Variants in RIC1 observed in about 807,000 individuals in gnomAD.
RIC1 encodes RIC1 partner of RAB6A GEF complex.
A neutral mutation model predicts 169.0 loss-of-function variants in RIC1; 88 were observed. The observed-to-expected ratio is 0.52, with a 90% CI of 0.44 to 0.62. The LOEUF (loss-of-function observed/expected upper bound fraction) is 0.62, where lower values mean the gene tolerates loss of function less well. Ranked by LOEUF, RIC1 falls within the 20% of genes least tolerant of loss-of-function variation. RIC1 has a pLI of 0.00. For missense variants in RIC1, 1,877 were observed against 1,725.5 expected, an observed-to-expected ratio of 1.09 and a Z score of -1.56; for synonymous variants, 790 against 601.5, an observed-to-expected ratio of 1.31 and a Z score of -4.59.
At chr9:5,773,735 C>T (rs538727671) in intron 25 of RIC1, among the ~76,000 whole-genome samples, 1 of 152,300 alleles carries the variant, frequency 6.6e-6, no homozygotes, top group East Asian at 1.9e-4. Context: ...GCCTTTGCCC[C>T]TAATGCTTAG....
chr9:5,671,214 C>T (rs1003618898), intron 2 of RIC1, among the ~76,000 whole-genome samples: 1 of 151,588 alleles, frequency 6.6e-6, no homozygotes, highest in Non-Finnish European at 1.5e-5. Context: ...CCTTTCTAAA[C>T]TATTACCAAA....
In RIC1 at chr9:5,775,218, A is replaced by C. The variant is rs1827515675; in HGVS notation, c.*972A>C. The C allele has an allele frequency of 1.3e-5, 2 of 152,226 alleles. No homozygotes were observed. The highest frequency in any genetic ancestry group is 6.5e-5 in the Admixed American group (1 of 15,280). The allele number at this position is 152,226 out of a possible 1,614,324, so 9.4% of individuals were successfully genotyped here. A position where few individuals can be genotyped will look rare whatever the true frequency, so the allele number is the denominator to read the frequency against. On this transcript the variant is annotated 3_prime_UTR_variant, in exon 26 of 26. Coordinates refer to ENST00000414202, the MANE Select transcript of RIC1 (RefSeq NM_020829.4). The stretch of plus-strand genomic sequence containing the variant: ...TCTTATTTATTGCTTTTGTAAATTG[A>C]ATAAAGATGGACTTCTATGTAAATA...
At chr9:5,693,787 A>T (rs1477493863) in intron 3 of RIC1, among the ~76,000 whole-genome samples, 1 of 152,096 alleles carries the variant, frequency 6.6e-6, no homozygotes, top group African/African-American at 2.4e-5. Context: ...TTAAACAAAT[A>T]TGTCATCATC....
At chr9:5,777,375 ACT>A (rs922794261), downstream of RIC1, among the ~76,000 whole-genome samples, 2 of 150,606 alleles carry the variant, frequency 1.3e-5, no homozygotes, top group Admixed American at 1.3e-4. Flanking sequence ...AAAATGGAAG[ACT>A]CTAAAATGTA....
At chr9:5,647,032 C>A (rs961243084) in intron 1 of RIC1, among the ~76,000 whole-genome samples, 2 of 152,070 alleles carry the variant, frequency 1.3e-5, no homozygotes, top group African/African-American at 4.8e-5. Context: ...ATGTGGATAT[C>A]CAGTTTTCCC....
intron 8 of RIC1, among the ~76,000 whole-genome samples, chr9:5,738,837 A>T (rs1824896447): frequency 6.6e-6 from 1 of 151,082 alleles, no homozygotes; most frequent in African/African-American, 2.4e-5. Flanking sequence ...TTAATTAGCC[A>T]ATGCCCAAGT....
chr9:5,713,949 C>CAGG lies in RIC1; in HGVS notation c.388_389insGAG (p.Pro129_Ala130insGly). ...CATTTTAAGGAAGAACAGTGTGCTC[C>CAGG]AGCATTAAATTTGGAGATGAGGAAA... On this transcript the variant is annotated inframe_insertion, in exon 4 of 26. Transcript: ENST00000414202. 6.2e-7 allele frequency: 1 copy of CAGG among 1,613,206 alleles called. No homozygotes were observed. Among genetic ancestry groups the CAGG allele is most frequent in the Non-Finnish European group, 8.5e-7 (1 of 1,179,446 alleles).
chr9:5,773,292 T>C, intron 25 of RIC1: 1 of 203,872 alleles, frequency 4.9e-6, no homozygotes, highest in Non-Finnish European at 9.6e-6. Flanking sequence ...GGTTACACTG[T>C]TGGTCAGTGT....
At chr9:5,754,013 AGTGAGTGTGCGT>A (rs1825863451) in intron 14 of RIC1, among the ~76,000 whole-genome samples, 1 of 152,098 alleles carries the variant, frequency 6.6e-6, no homozygotes, top group African/African-American at 2.4e-5. Flanking sequence ...TATATGGGAT[AGTGAGTGTGCGT>A]GTGTGTATGT....
chr9:5,677,358 A>G (rs902600771), intron 2 of RIC1, among the ~76,000 whole-genome samples: 3 of 151,986 alleles, frequency 2.0e-5, no homozygotes, highest in Non-Finnish European at 4.4e-5. Flanking sequence ...TCTTTTGCCC[A>G]TTTTTTTAGA....
At position 5,763,037 on chromosome 9, in the gene RIC1, T is replaced by C; in HGVS notation, c.2113-103T>C. On this transcript the variant is annotated intron_variant, in intron 18 of 25. Transcript: ENST00000414202. This position sits in a 1 kb window ranked among gnomAD's most constrained non-coding sequence, Gnocchi z 5.2. The stretch of plus-strand genomic sequence containing the variant: ...GATCCCTTTGCTTTTCCCAAAAAAA[T>C]ATTATACTATCATTTGAAAGACTTA... The C allele has an allele frequency of 7.3e-7, 1 of 1,378,398 alleles. No homozygotes were observed. Among genetic ancestry groups the C allele is most frequent in the Non-Finnish European group, 9.8e-7 (1 of 1,025,328 alleles). The allele number at this position is 1,378,398 out of a possible 1,614,324, so 85.4% of individuals were successfully genotyped here. A position where few individuals can be genotyped will look rare whatever the true frequency, so the allele number is the denominator to read the frequency against.
At chr9:5,713,197 A>G (rs1199337324) in intron 3 of RIC1, 3 of 152,218 alleles carry the variant, frequency 2.0e-5, no homozygotes, top group Non-Finnish European at 4.4e-5. Flanking sequence ...GATAACTGTT[A>G]AATTCCAGCA....
intron 2 of RIC1, among the ~76,000 whole-genome samples, chr9:5,673,535 GATATAT>G (rs59648906): frequency 1.8e-4 from 21 of 119,304 alleles, no homozygotes; most frequent in South Asian, 5.3e-4. Flanking sequence ...AACATAAGGA[GATATAT>G]ATATATATAT....
chr9:5,726,694 GT>G (rs1296992697), intron 6 of RIC1, among the ~76,000 whole-genome samples: 1 of 152,212 alleles, frequency 6.6e-6, no homozygotes, highest in African/African-American at 2.4e-5. Context: ...GCTGGTACCA[GT>G]TGTTCCTTTC....
chr9:5,687,923 TG>T (rs1264046215), intron 2 of RIC1, among the ~76,000 whole-genome samples: 4 of 152,016 alleles, frequency 2.6e-5, no homozygotes, highest in African/African-American at 7.2e-5. Context: ...GGTTTTTTTG[TG>T]TGTGTGTGTG....
At chr9:5,754,800 G>T (rs778521933) in intron 14 of RIC1, 41 bp from the exon 15 acceptor site, 1 of 1,140,704 alleles carries the variant, frequency 8.8e-7, no homozygotes, top group South Asian at 1.6e-5. Flanking sequence ...TATAATTTCT[G>T]GTAGCATAAG....
intron 2 of RIC1, among the ~76,000 whole-genome samples, chr9:5,688,179 A>G (rs1026987447): frequency 7.4e-6 from 1 of 135,296 alleles, no homozygotes; most frequent in African/African-American, 2.5e-5. Context: ...TGAGTTATGC[A>G]TTGTTTTGAT....
chr9:5,767,411 C>G (rs1228390648), intron 21 of RIC1, among the ~76,000 whole-genome samples: 3 of 151,670 alleles, frequency 2.0e-5, no homozygotes, highest in Non-Finnish European at 4.4e-5. Context: ...GTATTCCTTC[C>G]TATGTTCTTC....
In RIC1 at chr9:5,713,996, A is replaced by G. The variant is rs2130830490; in HGVS notation, c.433A>G (p.Ile145Val). The G allele has an allele frequency of 6.2e-7, 1 of 1,605,350 alleles. No homozygotes were observed. Among genetic ancestry groups the G allele is most frequent in the East Asian group, 2.2e-5 (1 of 44,726 alleles). Reference protein sequence around the residue: ...MRKILDLQAPIMSLQSVLEDL... With the variant: ...MRKILDLQAPVMSLQSVLEDL... ...GAAAATACTGGATTTACAAGCACCCATCATGAGGTACAGTACTTTGGTTAA... is the reference window on the plus strand; with the variant it reads ...GAAAATACTGGATTTACAAGCACCCGTCATGAGGTACAGTACTTTGGTTAA... The change falls in exon 4 of 26, where the codon ATC becomes GTC. Residue 145 changes from isoleucine to valine, a missense_variant. Coordinates refer to ENST00000414202, the MANE Select transcript of RIC1 (RefSeq NM_020829.4).
Sources: allele counts gnomAD v4.1 joint callset (sites outside exome capture counted in the v4.1 genomes callset), GRCh38; gene constraint gnomAD v4.1.1; non-coding constraint Gnocchi (gnomAD v3.1); transcripts MANE v1.5; gene names NCBI Gene and HGNC (gene_info 2026-07-23, HGNC 2026-07-21).